The following EDA variants were observed in gnomAD, a reference collection of about 807,000 sequenced individuals.
EDA encodes the protein ectodysplasin-A.
In EDA, 2 loss-of-function variants were observed where a neutral mutation model predicts 23.6. That is an observed-to-expected ratio of 0.08 (90% confidence interval 0.03 to 0.27). The LOEUF is 0.27. Ranked by LOEUF, EDA falls within the 10% of genes least tolerant of loss-of-function variation. EDA has a pLI of 1.00. For synonymous variants in EDA, 131 were observed against 132.0 expected (o/e 0.99, Z 0.05); for missense variants, 229 against 324.2 (o/e 0.71, Z 2.26).
intron 1 of EDA, among the ~76,000 whole-genome samples, chrX:69,633,502 G>T (rs1225306431): frequency 8.9e-6 from 1 of 111,836 alleles, no homozygotes; most frequent in Non-Finnish European, 1.9e-5. Flanking sequence ...TCCATTAGCA[G>T]TCATTCCCCA....
chrX:69,647,111 G>A (rs748547779), intron 1 of EDA, among the ~76,000 whole-genome samples: 16 of 111,295 alleles, frequency 1.4e-4, no homozygotes, highest in Non-Finnish European at 2.8e-4. Flanking sequence ...CTTTCTCTCT[G>A]GTTGCCCTTA....
At chrX:69,860,727 T>A in intron 1 of EDA, 1 of 500,952 alleles carries the variant, frequency 2.0e-6, no homozygotes, top group Non-Finnish European at 3.6e-6. Flanking sequence ...TCTCAAAGAG[T>A]ATCTTCTTGG....
At chrX:69,906,455 T>C (rs1296790636) in intron 1 of EDA, among the ~76,000 whole-genome samples, 1 of 112,299 alleles carries the variant, frequency 8.9e-6, no homozygotes, top group Non-Finnish European at 1.9e-5. Flanking sequence ...AATATCACAT[T>C]GAGATGATGG....
chrX:69,781,734 G>T (rs986614685), intron 1 of EDA, among the ~76,000 whole-genome samples: 2 of 110,927 alleles, frequency 1.8e-5, no homozygotes, highest in Admixed American at 1.9e-4. Context: ...AAGTATACTT[G>T]TATGGCCAGT....
At chrX:69,800,885 A>G (rs768834732) in intron 1 of EDA, among the ~76,000 whole-genome samples, 1 of 111,654 alleles carries the variant, frequency 9.0e-6, no homozygotes, top group South Asian at 3.8e-4. Flanking sequence ...ACCTCTGCAC[A>G]TTTACCAACA....
intron 1 of EDA, among the ~76,000 whole-genome samples, chrX:69,865,811 G>A (rs374638451): frequency 3.8e-4 from 42 of 111,860 alleles, no homozygotes; most frequent in African/African-American, 1.2e-3. Context: ...CGTACAACTG[G>A]AATTGCACCA....
chrX:69,853,837 CCT>C (rs1276021940), intron 1 of EDA, among the ~76,000 whole-genome samples: 1 of 108,484 alleles, frequency 9.2e-6, no homozygotes, highest in East Asian at 2.8e-4. Context: ...GTTGCATACT[CCT>C]CTGTTTGTTT....
At chrX:69,940,334 G>A (rs1254314167) in intron 1 of EDA, among the ~76,000 whole-genome samples, 1 of 110,650 alleles carries the variant, frequency 9.0e-6, no homozygotes, top group African/African-American at 3.3e-5. Context: ...ATGTGTCTAG[G>A]AATTTACCAG....
At chrX:69,821,531 C>T (rs1298196087) in intron 1 of EDA, among the ~76,000 whole-genome samples, 2 of 112,124 alleles carry the variant, frequency 1.8e-5, no homozygotes. Flanking sequence ...GTTAGTCTCA[C>T]TAATAATAAT....
chrX:69,829,298 T>C (rs1265163272), intron 1 of EDA, among the ~76,000 whole-genome samples: 1 of 111,994 alleles, frequency 8.9e-6, no homozygotes, highest in Non-Finnish European at 1.9e-5. Context: ...AAAGACATTC[T>C]TGGACTGGAA....
intron 2 of EDA, among the ~76,000 whole-genome samples, chrX:69,970,919 G>A (rs887127031): frequency 8.1e-5 from 9 of 111,348 alleles, no homozygotes; most frequent in Non-Finnish European, 1.7e-4. Flanking sequence ...GAAATCTGAG[G>A]TATAGTGTTC....
intron 1 of EDA, among the ~76,000 whole-genome samples, chrX:69,835,697 T>A (rs952578377): frequency 1.8e-5 from 2 of 111,826 alleles, no homozygotes; most frequent in African/African-American, 6.5e-5. Context: ...ATTACCCACC[T>A]TCTGAAGCCT....
chrX:70,005,861 A>G (rs1205467207), intron 2 of EDA, among the ~76,000 whole-genome samples: 4 of 111,819 alleles, frequency 3.6e-5, no homozygotes, highest in Non-Finnish European at 7.5e-5. Flanking sequence ...AGAAACAGAG[A>G]GTTCCTGTAT....
chrX:69,971,463 G>T (rs1466043440), intron 2 of EDA, among the ~76,000 whole-genome samples: 6 of 112,181 alleles, frequency 5.3e-5, no homozygotes, highest in African/African-American at 1.9e-4. Flanking sequence ...TTGCCATGGG[G>T]TGGCAACCAT....
intron 1 of EDA, among the ~76,000 whole-genome samples, chrX:69,679,967 A>C (rs1485980539): frequency 9.4e-6 from 1 of 106,611 alleles, no homozygotes; most frequent in Non-Finnish European, 1.9e-5. Flanking sequence ...TAGTGCTATA[A>C]ATTTCCCTCT....
intron 2 of EDA, among the ~76,000 whole-genome samples, chrX:70,012,366 C>T (rs1363510077): frequency 8.9e-6 from 1 of 112,065 alleles, no homozygotes; most frequent in African/African-American, 3.2e-5. Flanking sequence ...ATGCTCGCGT[C>T]TAGTATGGGA....
At chrX:69,814,358 A>T (rs1007598476) in intron 1 of EDA, among the ~76,000 whole-genome samples, 2 of 112,991 alleles carry the variant, frequency 1.8e-5, no homozygotes, top group African/African-American at 6.4e-5. Flanking sequence ...AGTATAAAAG[A>T]CCTGGTTCCA....
chrX:69,742,666 T>A lies in EDA; in HGVS notation c.396+125962T>A, dbSNP rs542402974. 6.3e-5 allele frequency among the ~76,000 whole-genome samples: 7 copies of A among 111,600 alleles called. No homozygotes were observed. In the South Asian group the frequency reaches 1.5e-3, roughly 24 times the overall value. ...CCATATTGTTTTTCTGACGGTTCTTTTCCTCAACTTTTGGTAGCTCCCTCT... is the reference window on the plus strand; with the variant it reads ...CCATATTGTTTTTCTGACGGTTCTTATCCTCAACTTTTGGTAGCTCCCTCT... On this transcript the variant is annotated intron_variant, in intron 1 of 7. Transcript: ENST00000374552.
At chrX:69,945,407 T>G (rs2018820321) in intron 1 of EDA, among the ~76,000 whole-genome samples, 1 of 112,131 alleles carries the variant, frequency 8.9e-6, no homozygotes, top group Admixed American at 9.4e-5. Context: ...GTGGATTTTT[T>G]GGAAAATATT....
Sources: allele counts gnomAD v4.1 joint callset (sites outside exome capture counted in the v4.1 genomes callset), GRCh38; gene constraint gnomAD v4.1.1; transcripts MANE v1.5; gene names NCBI Gene and HGNC (gene_info 2026-07-23, HGNC 2026-07-21).